The following STK32B variants were observed in gnomAD, a reference collection of about 807,000 sequenced individuals.
STK32B encodes the protein serine/threonine kinase 32B.
STK32B carries 43 observed loss-of-function variants against 52.6 expected under a neutral mutation model. The observed-to-expected ratio is 0.82, with a 90% CI of 0.64 to 1.05. The LOEUF is 1.05. Ranked by LOEUF, STK32B falls within the 50% of genes least tolerant of loss-of-function variation. STK32B has a pLI of 0.00. For missense variants in STK32B, 621 were observed against 534.6 expected (o/e 1.16, Z -1.59); for synonymous variants, 238 against 204.3 (o/e 1.17, Z -1.41).
intron 3 of STK32B, among the ~76,000 whole-genome samples, chr4:5,319,772 TC>T (rs1731365416): frequency 6.6e-6 from 1 of 152,086 alleles, no homozygotes; most frequent in Non-Finnish European, 1.5e-5. Context: ...CTTCTCAGAA[TC>T]CCTGGGAGGC....
chr4:5,192,179 C>T (rs1721262013), intron 3 of STK32B, among the ~76,000 whole-genome samples: 1 of 152,178 alleles, frequency 6.6e-6, no homozygotes. Flanking sequence ...ATTGCAAGGT[C>T]CTGAGTCCAA....
chr4:5,086,296 C>G (rs1712729431), intron 1 of STK32B, among the ~76,000 whole-genome samples: 2 of 152,174 alleles, frequency 1.3e-5, no homozygotes, highest in South Asian at 4.1e-4. Flanking sequence ...TGTCAACTAT[C>G]TGGCTGAGTG....
At chr4:5,071,691 C>T (rs1016009363) in intron 1 of STK32B, among the ~76,000 whole-genome samples, 8 of 152,162 alleles carry the variant, frequency 5.3e-5, no homozygotes, top group Non-Finnish European at 4.4e-5. Context: ...ACCTTTCATG[C>T]ATTAACCAGA....
chr4:5,488,932 T>C (rs918444794), intron 11 of STK32B, among the ~76,000 whole-genome samples: 7 of 152,092 alleles, frequency 4.6e-5, no homozygotes, highest in South Asian at 2.1e-4. Context: ...ATAATTCTTA[T>C]TAAAAACTTC....
At position 5,196,166 on chromosome 4, in the gene STK32B, T is replaced by C. The variant is rs1721635931; in HGVS notation, c.260+27716T>C. Among the ~76,000 whole-genome samples the C allele has an allele frequency of 6.6e-5, 10 of 152,058 alleles. No individual in the cohort carries two copies. In the South Asian group the frequency reaches 2.1e-3, roughly 32 times the overall value. ...GAGAGGGAGGGAGTGGTGTTCTTGC[T>C]CTGCGTTCCACAGGCACCTGGGATC... On this transcript the variant is annotated intron_variant, in intron 3 of 11. Transcript: ENST00000282908.
At chr4:5,287,846 A>G (rs756356973) in intron 3 of STK32B, among the ~76,000 whole-genome samples, 16 of 152,164 alleles carry the variant, frequency 1.1e-4, no homozygotes, top group East Asian at 3.8e-4. Context: ...GAGTTGTGCA[A>G]TCATTACCAC....
At chr4:5,391,511 A>G (rs1397600578) in intron 4 of STK32B, among the ~76,000 whole-genome samples, 1 of 152,246 alleles carries the variant, frequency 6.6e-6, no homozygotes, top group East Asian at 1.9e-4. Flanking sequence ...TCCCAGGAGA[A>G]GATTGCAACT....
At chr4:5,273,915 G>A (rs75968098) in intron 3 of STK32B, among the ~76,000 whole-genome samples, 1 of 150,312 alleles carries the variant, frequency 6.7e-6, no homozygotes, top group African/African-American at 2.5e-5. Context: ...TGGGTGTAGC[G>A]CACCAGCATG....
intron 4 of STK32B, among the ~76,000 whole-genome samples, chr4:5,357,007 GTATATA>G (rs140670209): frequency 2.1e-5 from 3 of 140,162 alleles, no homozygotes; most frequent in African/African-American, 7.9e-5. Flanking sequence ...TCTCATATGT[GTATATA>G]TATATATATA....
chr4:5,247,028 A>T (rs1211631495), intron 3 of STK32B, among the ~76,000 whole-genome samples: 1 of 152,184 alleles, frequency 6.6e-6, no homozygotes, highest in African/African-American at 2.4e-5. Flanking sequence ...TCAGGGACCC[A>T]CTTGAGGAGG....
chr4:5,451,828 C>T (rs555182947), intron 7 of STK32B, among the ~76,000 whole-genome samples: 1 of 152,312 alleles, frequency 6.6e-6, no homozygotes, highest in East Asian at 1.9e-4. Flanking sequence ...GAACCACTGC[C>T]ATAGAACAAC....
At chr4:5,023,467 C>G in the STK32B span, among the ~76,000 whole-genome samples, 2 of 152,324 alleles carry the variant, frequency 1.3e-5, no homozygotes, top group Non-Finnish European at 2.9e-5. Flanking sequence ...CAACTTCCTT[C>G]CAGTCTCTGG....
At chr4:5,250,002 G>T (rs761568634) in intron 3 of STK32B, among the ~76,000 whole-genome samples, 1 of 151,128 alleles carries the variant, frequency 6.6e-6, no homozygotes. Context: ...GTGAGAACAT[G>T]CAGTATTTGG....
intron 8 of STK32B, among the ~76,000 whole-genome samples, chr4:5,459,133 A>G (rs1461457029): frequency 6.6e-6 from 1 of 152,250 alleles, no homozygotes; most frequent in Non-Finnish European, 1.5e-5. Flanking sequence ...AGTGGCAGCC[A>G]TGATCAGCAG....
At chr4:5,039,325 A>G in the STK32B span, among the ~76,000 whole-genome samples, 1 of 152,158 alleles carries the variant, frequency 6.6e-6, no homozygotes, top group East Asian at 1.9e-4. Flanking sequence ...ACCTGAATCT[A>G]TAAGCGTTTT....
chr4:5,307,200 GA>G (rs1729979360), intron 3 of STK32B, among the ~76,000 whole-genome samples: 1 of 152,126 alleles, frequency 6.6e-6, no homozygotes, highest in Non-Finnish European at 1.5e-5. Context: ...CAAGCCTGGG[GA>G]AGTTTTCCTT....
intron 11 of STK32B, among the ~76,000 whole-genome samples, chr4:5,480,993 T>G (rs938450785): frequency 1.3e-5 from 2 of 152,208 alleles, no homozygotes; most frequent in Non-Finnish European, 2.9e-5. Context: ...TGTTGGACAT[T>G]TGGCTTGGTT....
rs538012997 is a variant in STK32B, at chr4:5,196,989, A to T, written c.260+28539A>T. Among the ~76,000 whole-genome samples, 41 of 152,262 alleles carry T rather than the reference A, an allele frequency of 2.7e-4. 1 individual carries two copies. The South Asian group carries it at 7.7e-3, about 28-fold the overall frequency. ...AAATCTCTAGAAGCATCAGGTATCC[A>T]GCCTGCCAGGACCTCAGTTGGTTTC... On this transcript the variant is annotated intron_variant, in intron 3 of 11. Transcript: ENST00000282908.
chr4:5,037,913 G>T, the STK32B span, among the ~76,000 whole-genome samples: 4 of 152,072 alleles, frequency 2.6e-5, no homozygotes, highest in Non-Finnish European at 4.4e-5. Flanking sequence ...ATGTTTTTTG[G>T]GTGAATGAAT....
Sources: gnomAD v4.1 joint callset for allele counts (sites outside exome capture counted in the v4.1 genomes callset) on GRCh38, gnomAD v4.1.1 for gene constraint, MANE v1.5 for transcripts, NCBI Gene and HGNC (gene_info 2026-07-23, HGNC 2026-07-21) for gene names.